Variants in LYAR observed in about 807,000 individuals in gnomAD.
LYAR encodes the protein cell growth-regulating nucleolar protein.
A neutral mutation model predicts 45.2 loss-of-function variants in LYAR; 37 were observed. The ratio of observed to expected loss-of-function variants is 0.82; its 90% CI spans 0.63 to 1.08. The LOEUF (loss-of-function observed/expected upper bound fraction) is 1.08. Ranked by LOEUF, LYAR falls within the 50% of genes least tolerant of loss-of-function variation. The probability of loss-of-function intolerance (pLI) is 0.00; values close to 1 mark genes in which losing one functional copy is unlikely to be tolerated. For synonymous variants in LYAR, 176 were observed against 155.1 expected (o/e 1.14, Z -1.00); for missense variants, 493 against 451.0 (o/e 1.09, Z -0.84).
intron 8 of LYAR, among the ~76,000 whole-genome samples, chr4:4,272,578 T>C (rs1718979019): frequency 6.6e-6 from 1 of 152,204 alleles, no homozygotes; most frequent in Non-Finnish European, 1.5e-5. Flanking sequence ...TCTCTCTGTG[T>C]CTCTCTAAAT....
chr4:4,276,633 G>A (rs554227383), intron 6 of LYAR, among the ~76,000 whole-genome samples: 2 of 151,984 alleles, frequency 1.3e-5, no homozygotes, highest in South Asian at 4.1e-4. Context: ...GAGGTAGGGA[G>A]ATCACCTGAG....
At chr4:4,284,147 ACAGAAC>A (rs1263131190) in intron 2 of LYAR, among the ~76,000 whole-genome samples, 3 of 152,242 alleles carry the variant, frequency 2.0e-5, no homozygotes, top group Non-Finnish European at 4.4e-5. Flanking sequence ...TACACGGTTA[ACAGAAC>A]CAGGATTTAA....
At chr4:4,282,564 A>G (rs933114393) in intron 3 of LYAR, among the ~76,000 whole-genome samples, 4 of 152,200 alleles carry the variant, frequency 2.6e-5, no homozygotes, top group African/African-American at 9.7e-5. Flanking sequence ...GAATTAAAAG[A>G]GAGTATTAGC....
intron 9 of LYAR, 94 bp downstream of exon 9, chr4:4,268,436 G>A (rs1718797085): frequency 2.3e-6 from 2 of 859,350 alleles, no homozygotes; most frequent in Non-Finnish European, 3.8e-6. Flanking sequence ...GATTTTCAGT[G>A]TTTTAGGTGA....
Position 4,273,655 on chromosome 4 carries a change from T to C in LYAR, c.847A>G (p.Lys283Glu). Residue 283 changes from lysine to glutamate, a missense_variant, in exon 8 of 10, where the codon AAG (lysine) becomes GAG (glutamate). Transcript: ENST00000343470. ...TCTGGGAGCTTCATCTTTTTCTTCT[T>C]AGAATCTGTTTCAACTAAGTATTTG... Reference protein sequence around the residue: ...RRHSEVETDSKKKKMKLPEHP... With the variant: ...RRHSEVETDSEKKKMKLPEHP... 1 of 1,610,570 alleles carries C rather than the reference T, an allele frequency of 6.2e-7. No homozygotes were observed. Among genetic ancestry groups the C allele is most frequent in the East Asian group, 2.2e-5 (1 of 44,864 alleles).
intron 2 of LYAR, among the ~76,000 whole-genome samples, chr4:4,284,958 C>T (rs150613042): frequency 6.6e-6 from 1 of 152,296 alleles, no homozygotes; most frequent in Non-Finnish European, 1.5e-5. Context: ...ATCACCGTTG[C>T]TCCTCCACCA....
chr4:4,288,414 T>G (rs542390856), intron 1 of LYAR, among the ~76,000 whole-genome samples: 1 of 152,294 alleles, frequency 6.6e-6, no homozygotes, highest in African/African-American at 2.4e-5. Flanking sequence ...TTAGGTTTGG[T>G]TCTGAGATTG....
chr4:4,270,545 A>G (rs1333374429), intron 8 of LYAR, among the ~76,000 whole-genome samples: 2 of 150,956 alleles, frequency 1.3e-5, no homozygotes, highest in East Asian at 3.9e-4. Context: ...AAAAAAAAAA[A>G]AAACCCACAA....
intron 1 of LYAR, among the ~76,000 whole-genome samples, chr4:4,288,598 G>A (rs2108855489): frequency 6.6e-6 from 1 of 151,566 alleles, no homozygotes; most frequent in East Asian, 1.9e-4. Flanking sequence ...TGATTCTCCG[G>A]CCTCAGCCTC....
At chr4:4,284,821 C>T (rs952395902) in intron 2 of LYAR, among the ~76,000 whole-genome samples, 3 of 152,160 alleles carry the variant, frequency 2.0e-5, no homozygotes, top group Admixed American at 1.3e-4. Flanking sequence ...GAGCTTTCTT[C>T]CTCATTAGGA....
At chr4:4,288,267 C>A (rs1022890011) in intron 1 of LYAR, among the ~76,000 whole-genome samples, 2 of 150,436 alleles carry the variant, frequency 1.3e-5, no homozygotes. Context: ...TGCTATTATA[C>A]CCAGCCCCCT....
At chr4:4,268,279 T>G (rs559584401) in intron 9 of LYAR, among the ~76,000 whole-genome samples, 98 of 139,520 alleles carry the variant, frequency 7.0e-4, no homozygotes, top group Admixed American at 1.1e-3. Context: ...AGAGCAAATA[T>G]CTAGAAAATA....
intron 8 of LYAR, among the ~76,000 whole-genome samples, chr4:4,273,164 C>T (rs1385712004): frequency 6.6e-6 from 1 of 152,162 alleles, no homozygotes; most frequent in Non-Finnish European, 1.5e-5. Context: ...CTATATTGGG[C>T]TTATTTAAAT....
At chr4:4,275,590 G>A (rs183894752) in intron 6 of LYAR, among the ~76,000 whole-genome samples, 6 of 151,766 alleles carry the variant, frequency 4.0e-5, no homozygotes, top group Admixed American at 2.6e-4. Flanking sequence ...GACCACAGGC[G>A]CAAGCTATCA....
chr4:4,268,666 G>T, intron 8 of LYAR, 51 bp from the exon 9 acceptor site: 1 of 1,239,130 alleles, frequency 8.1e-7, no homozygotes. Flanking sequence ...TGTACTACGA[G>T]AAGGGTAAAG....
chr4:4,267,853 C>G lies in LYAR; in HGVS notation c.*36G>C, dbSNP rs767621634. On this transcript the variant is annotated 3_prime_UTR_variant, in exon 10 of 10. Coordinates refer to ENST00000343470, the MANE Select transcript of LYAR (RefSeq NM_017816.3). ...ATAAACAGCAGTGAAAGGAAGAAGT[C>G]AGCAGAATGGATTCAATTTTTAAAT... The G allele has an allele frequency of 1.9e-6, 3 of 1,540,374 alleles. No individual in the cohort carries two copies. The African/African-American group carries it at 4.2e-5, about 21-fold the overall frequency.
intron 8 of LYAR, among the ~76,000 whole-genome samples, chr4:4,270,128 A>G (rs1255461514): frequency 6.6e-6 from 1 of 152,036 alleles, no homozygotes; most frequent in Non-Finnish European, 1.5e-5. Context: ...GCTTGAGCTC[A>G]GGAAGTTGAG....
At chr4:4,285,358 A>G (rs1719563185) in intron 2 of LYAR, among the ~76,000 whole-genome samples, 1 of 152,206 alleles carries the variant, frequency 6.6e-6, no homozygotes, top group Non-Finnish European at 1.5e-5. Flanking sequence ...GATATTGTCA[A>G]GCTCCTGGGA....
At chr4:4,277,645 G>C (rs1462984662) in intron 6 of LYAR, among the ~76,000 whole-genome samples, 1 of 152,144 alleles carries the variant, frequency 6.6e-6, no homozygotes, top group Non-Finnish European at 1.5e-5. Context: ...AATGCCTCTG[G>C]CTTCTTCCCA....
Sources: gnomAD v4.1 joint callset for allele counts (sites outside exome capture counted in the v4.1 genomes callset) on GRCh38, gnomAD v4.1.1 for gene constraint, MANE v1.5 for transcripts, NCBI Gene and HGNC (gene_info 2026-07-23, HGNC 2026-07-21) for gene names.